Variants in RSPH3 observed in about 807,000 individuals in gnomAD.
RSPH3 encodes radial spoke head protein 3 homolog.
In RSPH3, 21 loss-of-function variants were observed where a neutral mutation model predicts 43.8. The ratio of observed to expected loss-of-function variants is 0.48; its 90% CI spans 0.34 to 0.69. The LOEUF (loss-of-function observed/expected upper bound fraction) is 0.69. Ranked by LOEUF, RSPH3 falls within the 30% of genes least tolerant of loss-of-function variation. The probability of loss-of-function intolerance (pLI) is 0.01; values close to 1 mark genes in which losing one functional copy is unlikely to be tolerated. For missense variants in RSPH3, 487 were observed against 516.0 expected (o/e 0.94, Z 0.54); for synonymous variants, 173 against 179.8 (o/e 0.96, Z 0.30).
intron 3 of RSPH3, among the ~76,000 whole-genome samples, chr6:158,985,472 T>A (rs78371784): frequency 0.028 from 4,287 of 152,260 alleles, 308 homozygotes; most frequent in East Asian, 0.28. Flanking sequence ...TTATTTGTTG[T>A]TCAGGCTGAG....
chr6:158,981,000 A>G, intron 5 of RSPH3, 64 bp from the exon 6 acceptor site: 1 of 1,498,302 alleles, frequency 6.7e-7, no homozygotes, highest in Admixed American at 1.7e-5. Flanking sequence ...GAATCTAGTG[A>G]AGTTAGTAAG....
At chr6:158,963,632 AG>A in the RSPH3 span, among the ~76,000 whole-genome samples, 555 of 146,986 alleles carry the variant, frequency 3.8e-3, 6 homozygotes, top group African/African-American at 0.014. Context: ...CCTAGGCTGC[AG>A]GGCAATGGTG....
chr6:158,969,136 G>C (rs1777664629), downstream of RSPH3, among the ~76,000 whole-genome samples: 1 of 152,078 alleles, frequency 6.6e-6, no homozygotes, highest in Admixed American at 6.6e-5. Flanking sequence ...GATTTGAATT[G>C]CTGTCTAGTA....
intron 2 of RSPH3, among the ~76,000 whole-genome samples, chr6:158,991,699 C>T (rs1419187590): frequency 1.3e-5 from 2 of 152,198 alleles, no homozygotes; most frequent in Non-Finnish European, 2.9e-5. Context: ...AGTTCAGCTT[C>T]CTGCTCCACC....
At chr6:158,987,569 CTT>C (rs1035755079) in intron 2 of RSPH3, among the ~76,000 whole-genome samples, 1 of 152,056 alleles carries the variant, frequency 6.6e-6, no homozygotes, top group African/African-American at 2.4e-5. Flanking sequence ...TGTTAAGTGA[CTT>C]TATCTGGTAG....
intron 6 of RSPH3, among the ~76,000 whole-genome samples, chr6:158,979,840 T>C (rs928958951): frequency 2.2e-4 from 34 of 152,272 alleles, no homozygotes; most frequent in African/African-American, 7.7e-4. Flanking sequence ...CATGCAACTC[T>C]TCCTTTCCAC....
chr6:158,989,339 G>T lies in RSPH3; in HGVS notation c.205-2918C>A, dbSNP rs1198059965. 6.6e-6 allele frequency among the ~76,000 whole-genome samples: 1 copy of T among 152,088 alleles called. No individual in the cohort carries two copies. The highest frequency in any genetic ancestry group is 1.5e-5 in the Non-Finnish European group (1 of 68,018). ...TGGGATTACAGGCATGAGACACTGC[G>T]CCCCGACAGAGATCCTTTATCACTA... On this transcript the variant is annotated intron_variant, in intron 2 of 7. Coordinates refer to ENST00000367069, the MANE Select transcript of RSPH3 (RefSeq NM_031924.8). The surrounding 1 kb of genome is among the most constrained non-coding windows in gnomAD (Gnocchi z 4.3).
chr6:158,977,765 C>G lies in RSPH3; in HGVS notation c.1030G>C (p.Glu344Gln), dbSNP rs889911032. The G allele has an allele frequency of 6.2e-7, 1 of 1,614,164 alleles. No individual in the cohort carries two copies. The highest frequency in any genetic ancestry group is 1.7e-5 in the Admixed American group (1 of 60,032). Residue 344 changes from glutamate to glutamine, a missense_variant, in exon 8 of 8, where the codon GAG (glutamate) becomes CAG (glutamine). Glu to Gln is a conservative substitution (Grantham distance 29). Coordinates refer to ENST00000367069, the MANE Select transcript of RSPH3 (RefSeq NM_031924.8). ...DTHQSPEPED[E>Q]PGGPGAMTES... Reference sequence around the variant, plus strand: ...GTCATTGCTCCAGGACCACCAGGCTCATCCTCGGGTTCTGGAGACTGATGT... The same window carrying G: ...GTCATTGCTCCAGGACCACCAGGCTGATCCTCGGGTTCTGGAGACTGATGT...
At chr6:158,971,835 G>A (rs1257079359), downstream of RSPH3, among the ~76,000 whole-genome samples, 3 of 152,088 alleles carry the variant, frequency 2.0e-5, no homozygotes, top group African/African-American at 4.8e-5. Flanking sequence ...GGTGATTGCC[G>A]AGTCAGATTA....
intron 3 of RSPH3, among the ~76,000 whole-genome samples, chr6:158,985,817 T>TC (rs1429662550): frequency 5.3e-5 from 7 of 131,588 alleles, no homozygotes; most frequent in South Asian, 4.4e-4. Context: ...TCTCTCTCTC[T>TC]TTTTTTTTTT....
At chr6:158,990,056 C>T (rs1417973726) in intron 2 of RSPH3, among the ~76,000 whole-genome samples, 1 of 152,114 alleles carries the variant, frequency 6.6e-6, no homozygotes, top group Non-Finnish European at 1.5e-5. Context: ...ATGCTTCCTG[C>T]CCTTGAACAC....
At chr6:158,987,018 T>C (rs148535130) in intron 2 of RSPH3, among the ~76,000 whole-genome samples, 29 of 152,338 alleles carry the variant, frequency 1.9e-4, no homozygotes, top group African/African-American at 6.5e-4. Context: ...TTCTTTTCTT[T>C]CTTTTTCTTT....
At chr6:158,998,569 C>T (rs1778705600) in intron 1 of RSPH3, among the ~76,000 whole-genome samples, 1 of 148,568 alleles carries the variant, frequency 6.7e-6, no homozygotes, top group Non-Finnish European at 1.5e-5. Flanking sequence ...AAAACACAAA[C>T]TGCCGTCCGG....
the RSPH3 span, among the ~76,000 whole-genome samples, chr6:158,965,070 T>C: frequency 3.0e-3 from 456 of 152,240 alleles, no homozygotes; most frequent in Non-Finnish European, 4.3e-3. Flanking sequence ...TCTTCCCTTA[T>C]TGAATGATCT....
chr6:158,970,786 C>T (rs756535171), downstream of RSPH3, among the ~76,000 whole-genome samples: 2 of 152,066 alleles, frequency 1.3e-5, no homozygotes, highest in Non-Finnish European at 1.5e-5. Flanking sequence ...CTCCTGACCT[C>T]GTGATTCACC....
At chr6:158,963,577 CTTTTCTTTTTTCTT>C in the RSPH3 span, among the ~76,000 whole-genome samples, 1 of 148,130 alleles carries the variant, frequency 6.8e-6, no homozygotes, top group Non-Finnish European at 1.5e-5. Flanking sequence ...TTCTTTTTCC[CTTTTCTTTTTTCTT>C]TTCTTTCTTT....
intron 3 of RSPH3, among the ~76,000 whole-genome samples, chr6:158,985,143 C>T (rs1315165899): frequency 1.3e-5 from 2 of 152,218 alleles, no homozygotes; most frequent in Non-Finnish European, 2.9e-5. Flanking sequence ...AGGTAAGCCT[C>T]TACAGCTGAG....
In RSPH3 at chr6:158,993,823, T is replaced by C. The variant is rs376731383; in HGVS notation, c.204+16A>G. On this transcript the variant is annotated intron_variant, in intron 2 of 7. Coordinates refer to ENST00000367069, the MANE Select transcript of RSPH3 (RefSeq NM_031924.8). The stretch of plus-strand genomic sequence containing the variant: ...AATGTGAGAACACGGTGTTAGACTA[T>C]TCAAACTGAACTTACCAGTGGCCCT... 298 of 1,475,050 alleles carry C rather than the reference T, an allele frequency of 2.0e-4. 1 individual carries two copies. Among genetic ancestry groups the C allele is most frequent in the Non-Finnish European group, 2.7e-4 (280 of 1,054,580 alleles). 91.4% of individuals were successfully genotyped at this position (1,475,050 alleles called of 1,614,324 possible). A position where few individuals can be genotyped will look rare whatever the true frequency, so the allele number is the denominator to read the frequency against.
In RSPH3 at chr6:158,980,788, T is replaced by C. The variant is rs774550572; in HGVS notation, c.845A>G (p.Asp282Gly). ...GSLRDSGYFY[D>G]PIERDIEIGF... is the part of the protein sequence containing the mutation. ...TATCTACAAACCTCTTTCAATGGGA[T>C]CATAAAAGTAGCCACTATCCCTGAG... The change falls in exon 6 of 8, where the codon GAT becomes GGT. Residue 282 changes from aspartate (D) to glycine (G), a missense_variant. Asp to Gly is a moderately conservative substitution (Grantham distance 94). Transcript: ENST00000367069. 2 of 1,613,700 alleles carry C rather than the reference T, an allele frequency of 1.2e-6. No individual in the cohort carries two copies. Among genetic ancestry groups the C allele is most frequent in the Non-Finnish European group, 1.7e-6 (2 of 1,179,644 alleles).
Sources: allele counts gnomAD v4.1 joint callset (sites outside exome capture counted in the v4.1 genomes callset), GRCh38; gene constraint gnomAD v4.1.1; non-coding constraint Gnocchi (gnomAD v3.1); transcripts MANE v1.5; gene names NCBI Gene and HGNC (gene_info 2026-07-23, HGNC 2026-07-21).